Variants in EML6 observed in about 807,000 individuals in gnomAD.
EML6 encodes the protein echinoderm microtubule-associated protein-like 6.
Under a neutral mutation model 240.1 loss-of-function variants are expected in EML6, and 154 were observed. The ratio of observed to expected loss-of-function variants is 0.64; its 90% CI spans 0.56 to 0.73. The LOEUF (loss-of-function observed/expected upper bound fraction) is 0.73. EML6 is among the 30% of genes least tolerant of loss of function. The pLI is 0.00. For synonymous variants in EML6, 1,148 were observed against 899.0 expected, an observed-to-expected ratio of 1.28 and a Z score of -4.95; for missense variants, 2,964 against 2,474.6, an observed-to-expected ratio of 1.20 and a Z score of -4.20.
chr2:54,927,988 A>G (rs1453850401), intron 26 of EML6, among the ~76,000 whole-genome samples: 2 of 152,246 alleles, frequency 1.3e-5, no homozygotes, highest in Non-Finnish European at 2.9e-5. Flanking sequence ...AGTTTACACT[A>G]GAGACCTGTG....
chr2:54,910,988 A>G lies in EML6; in HGVS notation c.3444A>G (p.Glu1148=), dbSNP rs1673609858. Residue 1148 remains glutamate (E), a synonymous_variant, in exon 25 of 42, where the codon GAA becomes GAG. Transcript: ENST00000356458. The part of the protein sequence containing the change: ...KLLQVNSGAR[E]QLFFEAPRGK... ...TGCAAGTGAATTCAGGTGCCAGAGA[A>G]CAACTTTTTTTTGAAGCTCCAAGAG... 1.3e-6 allele frequency: 2 copies of G among 1,539,220 alleles called. No individual in the cohort carries two copies. The highest frequency in any genetic ancestry group is 1.2e-5 in the South Asian group (1 of 82,378).
At chr2:54,922,397 G>A (rs1674304803) in intron 26 of EML6, among the ~76,000 whole-genome samples, 1 of 152,108 alleles carries the variant, frequency 6.6e-6, no homozygotes, top group South Asian at 2.1e-4. Context: ...AACAAGTGTT[G>A]GTGAGGGTGT....
intron 4 of EML6, among the ~76,000 whole-genome samples, chr2:54,819,204 A>G (rs1668213385): frequency 6.6e-6 from 1 of 152,152 alleles, no homozygotes; most frequent in Non-Finnish European, 1.5e-5. Flanking sequence ...TCTCTGGTCT[A>G]GACTTTGTCC....
chr2:54,913,679 A>T (rs895342828), intron 25 of EML6, among the ~76,000 whole-genome samples: 1 of 152,064 alleles, frequency 6.6e-6, no homozygotes, highest in Non-Finnish European at 1.5e-5. Flanking sequence ...TCACTTGTCA[A>T]TTTTTGTTTT....
chr2:54,901,158 T>C (rs1475197997), intron 22 of EML6, among the ~76,000 whole-genome samples: 1 of 152,202 alleles, frequency 6.6e-6, no homozygotes, highest in Non-Finnish European at 1.5e-5. Flanking sequence ...TATTGCCACT[T>C]ACAAATCAGA....
At chr2:54,912,287 C>T (rs1673682578) in intron 25 of EML6, among the ~76,000 whole-genome samples, 1 of 152,156 alleles carries the variant, frequency 6.6e-6, no homozygotes, top group Non-Finnish European at 1.5e-5. Context: ...CTGATCCGTC[C>T]TCTTTTTAAC....
intron 26 of EML6, among the ~76,000 whole-genome samples, chr2:54,923,188 A>G (rs907884121): frequency 2.6e-5 from 4 of 151,796 alleles, no homozygotes; most frequent in African/African-American, 9.7e-5. Flanking sequence ...TGATCCATCC[A>G]CCTCAGCCTC....
At chr2:54,968,841 T>G (rs1676866539) in intron 41 of EML6, 73 bp downstream of exon 41, 1 of 793,170 alleles carries the variant, frequency 1.3e-6, no homozygotes, top group African/African-American at 1.7e-5. Flanking sequence ...AGGCATCCCG[T>G]GGGTCAGCCT....
At chr2:54,893,814 C>T (rs1438817) in intron 19 of EML6, among the ~76,000 whole-genome samples, 135,525 of 152,202 alleles carry the variant, frequency 0.89, 60,378 homozygotes, top group Non-Finnish European at 0.9. Context: ...GCAACTGTAA[C>T]GGTTGTTTTG....
intron 2 of EML6, among the ~76,000 whole-genome samples, chr2:54,805,108 A>G (rs1032903953): frequency 1.3e-5 from 2 of 152,184 alleles, no homozygotes; most frequent in Non-Finnish European, 2.9e-5. Context: ...CACTCAATGT[A>G]ATATTTTTGA....
chr2:54,921,415 A>G (rs1335430044), intron 26 of EML6, among the ~76,000 whole-genome samples: 1 of 152,164 alleles, frequency 6.6e-6, no homozygotes, highest in African/African-American at 2.4e-5. Context: ...CACTCATGAA[A>G]TAAATCGAAG....
chr2:54,798,838 T>C (rs1669959962), intron 2 of EML6, among the ~76,000 whole-genome samples: 1 of 152,240 alleles, frequency 6.6e-6, no homozygotes, highest in Admixed American at 6.5e-5. Flanking sequence ...AAAATAAAAA[T>C]CCTTGCCTTG....
chr2:54,762,794 C>T (rs146302895), intron 2 of EML6, among the ~76,000 whole-genome samples: 3 of 152,290 alleles, frequency 2.0e-5, no homozygotes, highest in Non-Finnish European at 4.4e-5. Flanking sequence ...CCTTCCCTAG[C>T]ACTGGAATCA....
At chr2:54,944,790 G>C (rs1332161127) in intron 28 of EML6, among the ~76,000 whole-genome samples, 1 of 152,006 alleles carries the variant, frequency 6.6e-6, no homozygotes, top group Non-Finnish European at 1.5e-5. Context: ...GATTCTGGAA[G>C]ACATAGGAAT....
At chr2:54,883,097 A>G (rs1363225803) in intron 17 of EML6, among the ~76,000 whole-genome samples, 1 of 151,822 alleles carries the variant, frequency 6.6e-6, no homozygotes, top group Non-Finnish European at 1.5e-5. Context: ...CAAATAATAT[A>G]TGATCATTAT....
chr2:54,814,309 C>A (rs938709360), intron 3 of EML6, among the ~76,000 whole-genome samples: 1 of 152,200 alleles, frequency 6.6e-6, no homozygotes, highest in Non-Finnish European at 1.5e-5. Context: ...TGAAGTGATT[C>A]AGTCTCCAAA....
intron 2 of EML6, among the ~76,000 whole-genome samples, chr2:54,807,139 A>G (rs948294553): frequency 5.3e-5 from 8 of 151,876 alleles, no homozygotes; most frequent in African/African-American, 1.9e-4. Context: ...AAACTCCTAT[A>G]TCTGTGGTCA....
intron 7 of EML6, among the ~76,000 whole-genome samples, chr2:54,832,742 AC>A (rs202078606): frequency 1.4e-5 from 2 of 146,970 alleles, no homozygotes; most frequent in African/African-American, 2.5e-5. Flanking sequence ...TGTCCTCCCC[AC>A]CCCCCCGCCA....
chr2:54,955,026 G>T (rs2104506022), intron 32 of EML6, among the ~76,000 whole-genome samples: 1 of 152,300 alleles, frequency 6.6e-6, no homozygotes, highest in Middle Eastern at 3.4e-3. Context: ...GAAAGTTCCA[G>T]TCACTCCTGA....
Sources: allele counts gnomAD v4.1 joint callset (sites outside exome capture counted in the v4.1 genomes callset), GRCh38; gene constraint gnomAD v4.1.1; transcripts MANE v1.5; gene names NCBI Gene and HGNC (gene_info 2026-07-23, HGNC 2026-07-21).